The following PIEZO1 variants were observed in gnomAD, a reference collection of about 807,000 sequenced individuals.
PIEZO1 encodes the protein piezo-type mechanosensitive ion channel component 1.
PIEZO1 carries 296 observed loss-of-function variants against 297.2 expected under a neutral mutation model. The observed-to-expected ratio is 1.00, with a 90% CI of 0.91 to 1.10. The LOEUF (loss-of-function observed/expected upper bound fraction) is 1.10, where lower values mean the gene tolerates loss of function less well. Ranked by LOEUF, PIEZO1 falls within the 50% of genes least tolerant of loss-of-function variation. The probability of loss-of-function intolerance (pLI) is 0.00; values close to 1 mark genes in which losing one functional copy is unlikely to be tolerated. For synonymous variants in PIEZO1, 2,427 were observed against 1,507.5 expected, an observed-to-expected ratio of 1.61 and a Z score of -14.13; for missense variants, 5,018 against 3,455.5, an observed-to-expected ratio of 1.45 and a Z score of -11.34.
chr16:88,773,649 G>A (rs543387024), intron 1 of PIEZO1, among the ~76,000 whole-genome samples: 1 of 151,150 alleles, frequency 6.6e-6, no homozygotes, highest in Admixed American at 6.6e-5. Flanking sequence ...TTGGGTGACA[G>A]GCAGGTCGGG....
At position 88,716,123 on chromosome 16, in the gene PIEZO1, G is replaced by C. The variant is rs1192080906; in HGVS notation, c.7130-4C>G. The C allele has an allele frequency of 2.6e-6, 4 of 1,540,676 alleles. No homozygotes were observed. Among genetic ancestry groups the C allele is most frequent in the African/African-American group, 1.4e-5 (1 of 72,908 alleles). ...CCGAGGTAGTCGGCCTCCTCATCTG[G>C]GATGGAGGGAGAAGATCGTTGAGGC... On this transcript the variant is annotated splice_polypyrimidine_tract_variant and splice_region_variant and intron_variant, in intron 49 of 50. Coordinates refer to ENST00000301015, the MANE Select transcript of PIEZO1 (RefSeq NM_001142864.4).
intron 2 of PIEZO1, chr16:88,743,473 C>A (rs1428268330): frequency 6.7e-6 from 3 of 448,496 alleles, no homozygotes; most frequent in Non-Finnish European, 9.0e-6. Context: ...CTCACAACTT[C>A]CTGGAGCTCA....
At position 88,717,048 on chromosome 16, in the gene PIEZO1, A is replaced by G; in HGVS notation, c.6635T>C (p.Val2212Ala). 6.4e-7 allele frequency: 1 copy of G among 1,550,798 alleles called. No homozygotes were observed. Among genetic ancestry groups the G allele is most frequent in the South Asian group, 1.2e-5 (1 of 84,056 alleles). The change falls in exon 45 of 51, where the codon GTC becomes GCC. Residue 2212 changes from valine (V) to alanine (A), a missense_variant. Physicochemically the swap from Val to Ala is moderately conservative, Grantham distance 64. Transcript: ENST00000301015. ...GVVNQPIDVTVTLKLGGYEPL... is the reference protein window; with the variant it reads ...GVVNQPIDVTATLKLGGYEPL... ...CTCATAGCCGCCCAGCTTCAGGGTG[A>G]CGGTGACATCGATGGGCTGGTTGAC...
At chr16:88,744,010 C>G (rs1303332059) in intron 2 of PIEZO1, 1 of 206,598 alleles carries the variant, frequency 4.8e-6, no homozygotes, top group Non-Finnish European at 1.0e-5. Flanking sequence ...CTTCCAGGGC[C>G]TCCCTGCCCC....
At position 88,726,437 on chromosome 16, in the gene PIEZO1, C is replaced by T. The variant is rs760508379; in HGVS notation, c.3815G>A (p.Arg1272Lys). ...GYYDPKEMMD[R>K]DQDCLLPVEE... ...CACAGGCAGCAGGCAGTCCTGGTCT[C>T]TGTCCATCATCTCCTTGGCTGCAAG... The change falls in exon 27 of 51, where the codon AGA becomes AAA. Residue 1272 changes from arginine (R) to lysine (K), a missense_variant. Arg to Lys is a conservative substitution (Grantham distance 26). Coordinates refer to ENST00000301015, the MANE Select transcript of PIEZO1 (RefSeq NM_001142864.4). 5.2e-6 allele frequency: 8 copies of T among 1,550,360 alleles called. No homozygotes were observed. The South Asian group carries it at 9.5e-5, about 18-fold the overall frequency.
At chr16:88,746,861 C>T (rs968540856) in intron 2 of PIEZO1, among the ~76,000 whole-genome samples, 2 of 152,152 alleles carry the variant, frequency 1.3e-5, no homozygotes, top group Non-Finnish European at 2.9e-5. Context: ...GAACAAACGG[C>T]GAAACGCCAG....
chr16:88,733,022 G>T (rs1047368914), intron 19 of PIEZO1: 1 of 581,200 alleles, frequency 1.7e-6, no homozygotes, highest in Non-Finnish European at 3.1e-6. Flanking sequence ...CAGGGGTGGG[G>T]CCCTCCCGTC....
chr16:88,776,382 CCAGACTGGGCCACTG>C (rs1337099938), intron 1 of PIEZO1, among the ~76,000 whole-genome samples: 3 of 152,060 alleles, frequency 2.0e-5, no homozygotes, highest in African/African-American at 4.8e-5. Context: ...TGCAGTGAGC[CCAGACTGGGCCACTG>C]CACTCCAGCC....
intron 31 of PIEZO1, among the ~76,000 whole-genome samples, chr16:88,723,611 ACAG>A (rs1444464579): frequency 1.1e-4 from 16 of 152,236 alleles, no homozygotes; most frequent in African/African-American, 3.9e-4. Flanking sequence ...GGCCGGTCTC[ACAG>A]GTCAGGCCAC....
intron 44 of PIEZO1, chr16:88,717,934 C>T (rs912569626): frequency 5.3e-6 from 2 of 374,456 alleles, no homozygotes; most frequent in Admixed American, 3.9e-5. Context: ...ATACAAAAGA[C>T]TAGCCAGGCC....
At position 88,732,329 on chromosome 16, in the gene PIEZO1, C is replaced by G. The variant is rs2142808598; in HGVS notation, c.2991+6G>C. The G allele has an allele frequency of 6.5e-7, 1 of 1,548,448 alleles. No homozygotes were observed. Among genetic ancestry groups the G allele is most frequent in the Non-Finnish European group, 8.7e-7 (1 of 1,145,574 alleles). ...GCCCCAGGGGGAGGCAATGTCCTTG[C>G]CTCACCTCCAGCCCGAATTTGTAGA... On this transcript the variant is annotated splice_donor_region_variant and intron_variant, in intron 21 of 50. Transcript: ENST00000301015.
At chr16:88,744,491 C>A (rs1905909368) in intron 2 of PIEZO1, 1 of 152,052 alleles carries the variant, frequency 6.6e-6, no homozygotes, top group Non-Finnish European at 1.5e-5. Flanking sequence ...CACACACGAT[C>A]CAGCAGCCCG....
chr16:88,765,987 G>C (rs1017843276), intron 1 of PIEZO1, among the ~76,000 whole-genome samples: 2 of 152,124 alleles, frequency 1.3e-5, no homozygotes, highest in Non-Finnish European at 1.5e-5. Flanking sequence ...TCTCCATTCT[G>C]AACAGGGTGC....
At chr16:88,739,035 C>T (rs2142836056) in intron 5 of PIEZO1, 1 of 490,062 alleles carries the variant, frequency 2.0e-6, no homozygotes. Context: ...TTGCCAGGTA[C>T]AGACAGACCA....
At chr16:88,748,252 G>C (rs946210457) in intron 2 of PIEZO1, among the ~76,000 whole-genome samples, 1 of 152,266 alleles carries the variant, frequency 6.6e-6, no homozygotes, top group Non-Finnish European at 1.5e-5. Context: ...TTTGGGGACA[G>C]GTCTCTGAGT....
chr16:88,735,907 TCACA>T (rs1040591213), intron 12 of PIEZO1, among the ~76,000 whole-genome samples: 3 of 151,982 alleles, frequency 2.0e-5, no homozygotes, highest in South Asian at 2.1e-4. Context: ...GAGCCCACGC[TCACA>T]CAGTGTCAGG....
chr16:88,732,389 C>G lies in PIEZO1; in HGVS notation c.2937G>C (p.Leu979=). 6.5e-7 allele frequency: 1 copy of G among 1,549,818 alleles called. No homozygotes were observed. The highest frequency in any genetic ancestry group is 8.7e-7 in the Non-Finnish European group (1 of 1,146,568). The change falls in exon 21 of 51, where the codon CTG becomes CTC. Residue 979 remains leucine, a synonymous_variant. Transcript: ENST00000301015. ...TGATGAAGTACTTGAGGCAGCCGAGCAGATCCTGGTCCAGCTGCTGGCGGG... is the reference window on the plus strand; with the variant it reads ...TGATGAAGTACTTGAGGCAGCCGAGGAGATCCTGGTCCAGCTGCTGGCGGG... ...SGTRQQLDQD[L]LGCLKYFINF...
rs1279818183 is a variant in PIEZO1, at chr16:88,733,483, C to T, written c.2488-29G>A. ...AGGGCAGTGGGCACGTGGGGCTGGG[C>T]TTGGGGAGGGCAGTGGGCACGTGGG... On this transcript the variant is annotated intron_variant, in intron 18 of 50. Transcript: ENST00000301015. 2.0e-6 allele frequency: 3 copies of T among 1,532,374 alleles called. No homozygotes were observed. The Admixed American group carries it at 5.9e-5, about 30-fold the overall frequency. 94.9% of individuals were successfully genotyped at this position (1,532,374 alleles called of 1,614,324 possible).
chr16:88,721,061 G>A (rs1181226712), intron 39 of PIEZO1, 105 bp downstream of exon 39: 6 of 1,164,526 alleles, frequency 5.2e-6, no homozygotes, highest in Middle Eastern at 4.5e-4. Context: ...GATCCAGGTG[G>A]GCCTCGCACT....
Sources: allele counts gnomAD v4.1 joint callset (sites outside exome capture counted in the v4.1 genomes callset), GRCh38; gene constraint gnomAD v4.1.1; transcripts MANE v1.5; gene names NCBI Gene and HGNC (gene_info 2026-07-23, HGNC 2026-07-21).